Variants in PCDHGA1 observed in about 807,000 individuals in gnomAD.
PCDHGA1 encodes the protein protocadherin gamma subfamily A, 1.
A neutral mutation model predicts 58.0 loss-of-function variants in PCDHGA1; 32 were observed. The ratio of observed to expected loss-of-function variants is 0.55; its 90% CI spans 0.42 to 0.74. PCDHGA1 has a LOEUF of 0.74. Ranked by LOEUF, PCDHGA1 falls within the 30% of genes least tolerant of loss-of-function variation. The pLI is 0.00. For synonymous variants in PCDHGA1, 498 were observed against 501.1 expected, an observed-to-expected ratio of 0.99 and a Z score of 0.08; for missense variants, 1,205 against 1,182.3, an observed-to-expected ratio of 1.02 and a Z score of -0.28.
At chr5:141,371,044 G>C in intron 1 of PCDHGA1, 1 of 1,613,964 alleles carries the variant, frequency 6.2e-7, no homozygotes, top group Admixed American at 1.7e-5. Context: ...GCTGTGGATG[G>C]GGGCGAGCCC....
rs374134053 is a variant in PCDHGA1, at chr5:141,389,297, A to T, written c.2421+56192A>T. ...ACCCGCCTGGAGCCTCTATTTCACA[A>T]GTCAGGGCTTCTGATCCGGACTTGG... On this transcript the variant is annotated intron_variant, in intron 1 of 3. Coordinates refer to ENST00000517417, the MANE Select transcript of PCDHGA1 (RefSeq NM_018912.3). 6.2e-6 allele frequency: 10 copies of T among 1,613,860 alleles called. No individual in the cohort carries two copies. In the African/African-American group the frequency reaches 1.3e-4, roughly 22 times the overall value.
chr5:141,415,136 G>C (rs763832284), intron 1 of PCDHGA1: 1 of 1,613,548 alleles, frequency 6.2e-7, no homozygotes, highest in Admixed American at 1.7e-5. Flanking sequence ...CAGGACCACG[G>C]CCAGCCCCCT....
rs761731200 is a variant in PCDHGA1, at chr5:141,477,252, T to C, written c.2422-17555T>C. The C allele has an allele frequency of 1.2e-6, 2 of 1,614,182 alleles. No homozygotes were observed. The highest frequency in any genetic ancestry group is 8.5e-7 in the Non-Finnish European group (1 of 1,180,034). ...ATCGCTTTGCTCAGTGTGACTGACCTGGATGCTGGCGAGAACGGGCTGGTG... is the reference window on the plus strand; with the variant it reads ...ATCGCTTTGCTCAGTGTGACTGACCCGGATGCTGGCGAGAACGGGCTGGTG... On this transcript the variant is annotated intron_variant, in intron 1 of 3. Transcript: ENST00000517417. The surrounding 1 kb of genome is among the most constrained non-coding windows in gnomAD (Gnocchi z 4.9).
chr5:141,428,594 G>A (rs1317075888), intron 1 of PCDHGA1: 4 of 227,916 alleles, frequency 1.8e-5, no homozygotes, highest in African/African-American at 9.1e-5. Context: ...CTGGTAGCAA[G>A]CTTCACTGAA....
Position 141,477,167 on chromosome 5 carries a change from G to C in PCDHGA1, c.2422-17640G>C. The C allele has an allele frequency of 6.2e-7, 1 of 1,614,166 alleles. No individual in the cohort carries two copies. Among genetic ancestry groups the C allele is most frequent in the South Asian group, 1.1e-5 (1 of 91,076 alleles). ...TGTGGATGTGAATGACAACGCCCCG[G>C]AGATCACAGTCACCTCCGTGTACAG... On this transcript the variant is annotated intron_variant, in intron 1 of 3. Coordinates refer to ENST00000517417, the MANE Select transcript of PCDHGA1 (RefSeq NM_018912.3). The surrounding 1 kb of genome is among the most constrained non-coding windows in gnomAD (Gnocchi z 4.9).
chr5:141,388,225 T>C, intron 1 of PCDHGA1: 1 of 1,604,858 alleles, frequency 6.2e-7, no homozygotes, highest in Non-Finnish European at 8.5e-7. Flanking sequence ...GAAAATCCAC[T>C]GAACTTTTAT....
Position 141,485,449 on chromosome 5 carries a change from A to G in PCDHGA1, c.2422-9358A>G, listed in dbSNP as rs2099613844. 6.2e-7 allele frequency: 1 copy of G among 1,614,054 alleles called. No homozygotes were observed. The highest frequency in any genetic ancestry group is 2.2e-5 in the East Asian group (1 of 44,876). On this transcript the variant is annotated intron_variant, in intron 1 of 3. Coordinates refer to ENST00000517417, the MANE Select transcript of PCDHGA1 (RefSeq NM_018912.3). The surrounding 1 kb of genome is among the most constrained non-coding windows in gnomAD (Gnocchi z 5.7). ...TGCTCATCAAGAACCCAATCGACCG[A>G]GAGGCACTGTGTGGGCTCAGTGCCA...
At chr5:141,384,646 G>A (rs1780315410) in intron 1 of PCDHGA1, 2 of 1,614,230 alleles carry the variant, frequency 1.2e-6, no homozygotes, top group Non-Finnish European at 1.7e-6. Flanking sequence ...CCGCTCCGCA[G>A]AGCCCGGCTA....
chr5:141,340,170 A>G, intron 1 of PCDHGA1: 1 of 1,614,128 alleles, frequency 6.2e-7, no homozygotes, highest in East Asian at 2.2e-5. Context: ...TCAGTAGACA[A>G]TTACTACCGA....
intron 1 of PCDHGA1, chr5:141,366,846 TA>T: frequency 6.8e-7 from 1 of 1,476,346 alleles, no homozygotes; most frequent in Non-Finnish European, 9.1e-7. Context: ...GTTATGTAAA[TA>T]GTGGAACATT....
At chr5:141,415,094 A>G in intron 1 of PCDHGA1, 1 of 1,613,530 alleles carries the variant, frequency 6.2e-7, no homozygotes, top group Non-Finnish European at 8.5e-7. Flanking sequence ...CTGGACAGAG[A>G]CGCGCTCAAG....
chr5:141,396,870 A>G (rs536206475), intron 1 of PCDHGA1, among the ~76,000 whole-genome samples: 3 of 152,328 alleles, frequency 2.0e-5, no homozygotes, highest in African/African-American at 7.2e-5. Flanking sequence ...TACCATTTGG[A>G]TGCACATTTG....
chr5:141,481,970 A>G (rs2099549884), intron 1 of PCDHGA1, among the ~76,000 whole-genome samples: 1 of 151,510 alleles, frequency 6.6e-6, no homozygotes, highest in Non-Finnish European at 1.5e-5. Flanking sequence ...CTGTAGTCAC[A>G]GCTACTTGGG....
At chr5:141,463,301 A>G (rs1277348576) in intron 1 of PCDHGA1, among the ~76,000 whole-genome samples, 2 of 151,638 alleles carry the variant, frequency 1.3e-5, no homozygotes, top group South Asian at 2.1e-4. Flanking sequence ...AATCTCCCCA[A>G]ACTCTAATAT....
chr5:141,456,872 A>C (rs1003618586), intron 1 of PCDHGA1, among the ~76,000 whole-genome samples: 2 of 152,152 alleles, frequency 1.3e-5, no homozygotes, highest in African/African-American at 4.8e-5. Context: ...CTGAGGCAGG[A>C]GAATCGCTTG....
chr5:141,356,344 G>T, intron 1 of PCDHGA1: 1 of 1,555,242 alleles, frequency 6.4e-7, no homozygotes, highest in South Asian at 1.2e-5. Context: ...AAATGGCCTA[G>T]TCACATGTTC....
intron 1 of PCDHGA1, chr5:141,355,253 T>C: frequency 6.2e-7 from 1 of 1,613,402 alleles, no homozygotes; most frequent in Non-Finnish European, 8.5e-7. Context: ...CAGATCTGCC[T>C]TCTCCTGGGG....
intron 1 of PCDHGA1, chr5:141,371,822 C>T (rs3749776): frequency 0.026 from 42,283 of 1,613,860 alleles, 714 homozygotes; most frequent in East Asian, 0.041. Flanking sequence ...ATGTCAGAGC[C>T]TCGGATCCCG....
At chr5:141,383,723 G>A in intron 1 of PCDHGA1, 1 of 1,613,946 alleles carries the variant, frequency 6.2e-7, no homozygotes. Context: ...GGAGTCAATG[G>A]GGAAGTGACA....
Sources: gnomAD v4.1 joint callset for allele counts (sites outside exome capture counted in the v4.1 genomes callset) on GRCh38, gnomAD v4.1.1 for gene constraint, Gnocchi (gnomAD v3.1) non-coding constraint, MANE v1.5 for transcripts, NCBI Gene and HGNC (gene_info 2026-07-23, HGNC 2026-07-21) for gene names.